The following CERT1 variants were observed in gnomAD, a reference collection of about 807,000 sequenced individuals.
The protein encoded by CERT1 is ceramide transporter 1.
CERT1 carries 31 observed loss-of-function variants against 87.9 expected under a neutral mutation model. The ratio of observed to expected loss-of-function variants is 0.35; its 90% CI spans 0.27 to 0.48. The LOEUF is 0.48. Among genes scored for constraint, CERT1 ranks in the 20% least tolerant of loss-of-function variants. The probability of loss-of-function intolerance (pLI) is 0.99; values close to 1 mark genes in which losing one functional copy is unlikely to be tolerated. For synonymous variants in CERT1, 289 were observed against 250.9 expected (o/e 1.15, Z -1.44); for missense variants, 487 against 758.0 (o/e 0.64, Z 4.20).
chr5:75,502,483 CAAATAAATATAA>C (rs1267953853), intron 2 of CERT1, among the ~76,000 whole-genome samples: 1 of 151,858 alleles, frequency 6.6e-6, no homozygotes, highest in Non-Finnish European at 1.5e-5. Flanking sequence ...AGGGTCCAGG[CAAATAAATATAA>C]TATATCCACA....
At chr5:75,500,039 C>G (rs1767273798) in intron 2 of CERT1, among the ~76,000 whole-genome samples, 1 of 152,130 alleles carries the variant, frequency 6.6e-6, no homozygotes, top group Non-Finnish European at 1.5e-5. Context: ...TAGGGGAAAT[C>G]TGGAAAAAGA....
At chr5:75,417,643 T>C (rs933622799) in intron 6 of CERT1, among the ~76,000 whole-genome samples, 1 of 152,230 alleles carries the variant, frequency 6.6e-6, no homozygotes, top group African/African-American at 2.4e-5. Flanking sequence ...AATGAAATAA[T>C]GTCAATTTTG....
chr5:75,400,418 A>G (rs1262369857), intron 9 of CERT1, 121 bp from the exon 10 acceptor site: 4 of 621,206 alleles, frequency 6.4e-6, no homozygotes, highest in African/African-American at 3.7e-5. Context: ...GCTTATAACC[A>G]TTAGAATTAT....
chr5:75,442,697 T>C (rs1243860897), intron 3 of CERT1, among the ~76,000 whole-genome samples: 1 of 152,124 alleles, frequency 6.6e-6, no homozygotes. Flanking sequence ...ATTCAGTTAC[T>C]TGTGGAAATT....
At chr5:75,464,639 A>T (rs1204734352) in intron 2 of CERT1, among the ~76,000 whole-genome samples, 1 of 152,062 alleles carries the variant, frequency 6.6e-6, no homozygotes, top group Non-Finnish European at 1.5e-5. Context: ...GGAGTGGTGC[A>T]ATCTTGGCTC....
At chr5:75,402,081 A>C (rs1762519394) in intron 9 of CERT1, 1 of 152,234 alleles carries the variant, frequency 6.6e-6, no homozygotes, top group Admixed American at 6.5e-5. Flanking sequence ...TCTTGAAGCT[A>C]GTTAATGGGT....
chr5:75,384,283 C>T (rs1305785290), intron 14 of CERT1, among the ~76,000 whole-genome samples: 3 of 152,110 alleles, frequency 2.0e-5, no homozygotes, highest in South Asian at 2.1e-4. Flanking sequence ...CCAGTAGTTC[C>T]AATTACTTGA....
At chr5:75,406,103 A>T (rs1267563626) in intron 8 of CERT1, among the ~76,000 whole-genome samples, 1 of 152,212 alleles carries the variant, frequency 6.6e-6, no homozygotes, top group African/African-American at 2.4e-5. Context: ...CAAATGTGAA[A>T]ATGTCATTTT....
rs545475231 is a variant in CERT1 at position 75,420,365 on chromosome 5, G to A, written c.596-941C>T. On this transcript the variant is annotated intron_variant, in intron 5 of 16. Transcript: ENST00000643780. ...ATCGACTGTTTTTTTTTTTTTTGAGGCGGAGTCTTGCTCTGTCGCCCAGGC... is the reference window on the plus strand; with the variant it reads ...ATCGACTGTTTTTTTTTTTTTTGAGACGGAGTCTTGCTCTGTCGCCCAGGC... Among the ~76,000 whole-genome samples the A allele has an allele frequency of 2.2e-3, 325 of 146,768 alleles. 2 individuals are homozygous for A. In the East Asian group the frequency reaches 0.033, roughly 15 times the overall value.
At chr5:75,411,513 T>C (rs1762934978) in intron 7 of CERT1, among the ~76,000 whole-genome samples, 1 of 152,030 alleles carries the variant, frequency 6.6e-6, no homozygotes, top group Admixed American at 6.6e-5. Context: ...GGGGTTTCAC[T>C]ATGTTTGTCA....
intron 16 of CERT1, among the ~76,000 whole-genome samples, chr5:75,380,697 G>A (rs1761536111): frequency 7.0e-6 from 1 of 143,874 alleles, no homozygotes; most frequent in Non-Finnish European, 1.5e-5. Context: ...AGAATCGCTT[G>A]AACCCAGGAG....
At chr5:75,469,580 ACAAAG>A (rs2112348955) in intron 2 of CERT1, among the ~76,000 whole-genome samples, 1 of 152,252 alleles carries the variant, frequency 6.6e-6, no homozygotes, top group Admixed American at 6.5e-5. Flanking sequence ...TATGGTAATC[ACAAAG>A]CAAAAAACCT....
chr5:75,453,749 T>C (rs1764853015), intron 3 of CERT1, among the ~76,000 whole-genome samples: 1 of 152,192 alleles, frequency 6.6e-6, no homozygotes, highest in South Asian at 2.1e-4. Flanking sequence ...TTAGCTATCT[T>C]CATCACTATC....
In CERT1 at chr5:75,426,445, G is replaced by T; in HGVS notation, c.382C>A (p.Arg128Ser). 6.2e-7 allele frequency: 1 copy of T among 1,613,264 alleles called. No homozygotes were observed. Among genetic ancestry groups the T allele is most frequent in the Non-Finnish European group, 8.5e-7 (1 of 1,179,560 alleles). Residue 128 changes from arginine to serine, a missense_variant, in exon 4 of 17, where the codon CGT becomes AGT. Arg to Ser is a moderately radical substitution (Grantham distance 110). Around this residue, in one of 8 missense-constraint regions of CERT1, gnomAD observed 173 missense variants for 302.2 expected, o/e 0.57. Coordinates refer to ENST00000643780, the MANE Select transcript of CERT1 (RefSeq NM_001379029.1). The part of the protein sequence containing the change: ...ESGYGSESSL[R>S]RHGSMVSLVS... ...AGGGACACCATTGAGCCATGTCGAC[G>T]CAAGCTGGATTCAGATCCATATCCA...
intron 2 of CERT1, among the ~76,000 whole-genome samples, chr5:75,466,455 C>T (rs57149337): frequency 4.6e-5 from 7 of 151,940 alleles, no homozygotes; most frequent in South Asian, 4.1e-4. Flanking sequence ...GTGGGATATT[C>T]GAGTATAAGA....
intron 3 of CERT1, among the ~76,000 whole-genome samples, chr5:75,457,958 AATGTGTGTGTGTGTGTGTGTGTGGT>A (rs1397159047): frequency 2.4e-5 from 1 of 40,924 alleles, no homozygotes. Flanking sequence ...GCCTGTTAAA[AATGTGTGTGTGTGTGTGTGTGTGGT>A]ATGTGTGTGT....
chr5:75,440,266 A>G (rs1764265063), intron 3 of CERT1, among the ~76,000 whole-genome samples: 1 of 151,902 alleles, frequency 6.6e-6, no homozygotes, highest in Non-Finnish European at 1.5e-5. Flanking sequence ...ATTTTAAAAC[A>G]TTTATTTTCT....
intron 8 of CERT1, among the ~76,000 whole-genome samples, chr5:75,407,892 T>C (rs1470932167): frequency 6.7e-6 from 1 of 150,134 alleles, no homozygotes; most frequent in Non-Finnish European, 1.5e-5. Context: ...GTTTTTTTTT[T>C]ATTATGGTAA....
At position 75,478,909 on chromosome 5, in the gene CERT1, T is replaced by TAAAAAAAAAA. The variant is rs11438163; in HGVS notation, c.232-19738_232-19729dup. Among the ~76,000 whole-genome samples the TAAAAAAAAAA allele has an allele frequency of 3.7e-4, 8 of 21,746 alleles. 1 individual carries two copies. The highest frequency in any genetic ancestry group is 6.2e-4 in the African/African-American group (3 of 4,858). The allele number at this position is 21,746 out of a possible 152,430, so 14.3% of individuals were successfully genotyped here. On this transcript the variant is annotated intron_variant, in intron 2 of 16. Coordinates refer to ENST00000643780, the MANE Select transcript of CERT1 (RefSeq NM_001379029.1). ...AAATCTTGAGCTTGAAAGTAAGTACTAAAAAAAAAAAAAAAAAAAAAAAAA... is the reference window on the plus strand; with the variant it reads ...AAATCTTGAGCTTGAAAGTAAGTACTAAAAAAAAAAAAAAAAAAAAAAAAAAAAAAAAAAA...
Sources: gnomAD v4.1 joint callset for allele counts (sites outside exome capture counted in the v4.1 genomes callset) on GRCh38, gnomAD v4.1.1 for gene constraint, gnomAD v4.1.1 regional missense constraint, MANE v1.5 for transcripts, NCBI Gene and HGNC (gene_info 2026-07-23, HGNC 2026-07-21) for gene names.